AKAIN1: variants seen among roughly 807,000 people sequenced by gnomAD.
AKAIN1 encodes A-kinase anchor inhibitor 1, also known as A-kinase anchor protein inhibitor 1.
Under a neutral mutation model 3.7 loss-of-function variants are expected in AKAIN1, and 3 were observed. That is an observed-to-expected ratio of 0.82 (90% CI 0.37 to 2.12). The LOEUF is 2.12. Among genes scored for constraint, AKAIN1 ranks in the 30% most tolerant of loss-of-function variants. The pLI is 0.06. For missense variants in AKAIN1, 82 were observed against 82.7 expected (o/e 0.99, Z 0.03); for synonymous variants, 31 against 30.8 (o/e 1.01, Z -0.02).
At chr18:5,175,937 T>G (rs2071223794) in intron 1 of AKAIN1, among the ~76,000 whole-genome samples, 2 of 152,154 alleles carry the variant, frequency 1.3e-5, no homozygotes, top group South Asian at 4.1e-4. Flanking sequence ...TATTTTGTCC[T>G]GCTTTTTGAA....
intron 1 of AKAIN1, among the ~76,000 whole-genome samples, chr18:5,188,827 T>C (rs1305132627): frequency 1.3e-5 from 2 of 152,108 alleles, no homozygotes; most frequent in African/African-American, 4.8e-5. Flanking sequence ...AGCTCAGAGC[T>C]GCTCCTCTGA....
At chr18:5,181,862 A>C (rs1423769321) in intron 1 of AKAIN1, among the ~76,000 whole-genome samples, 1 of 152,140 alleles carries the variant, frequency 6.6e-6, no homozygotes, top group African/African-American at 2.4e-5. Context: ...ACAGGATGGT[A>C]ATGTAGGTCC....
chr18:5,171,260 G>C (rs1038574047), intron 1 of AKAIN1, among the ~76,000 whole-genome samples: 3 of 152,046 alleles, frequency 2.0e-5, no homozygotes, highest in Non-Finnish European at 4.4e-5. Context: ...ATTATCAAAA[G>C]AATGATTAGT....
At chr18:5,192,054 C>T (rs889011798) in intron 1 of AKAIN1, among the ~76,000 whole-genome samples, 2 of 152,106 alleles carry the variant, frequency 1.3e-5, no homozygotes, top group Admixed American at 1.3e-4. Flanking sequence ...GGCGTCATGT[C>T]AGTGCTCAAA....
intron 1 of AKAIN1, among the ~76,000 whole-genome samples, chr18:5,164,859 G>A (rs1290636463): frequency 6.6e-6 from 1 of 151,900 alleles, no homozygotes; most frequent in East Asian, 1.9e-4. Context: ...GGTGATGATG[G>A]GTAAGGAAAA....
intron 1 of AKAIN1, among the ~76,000 whole-genome samples, chr18:5,146,935 C>T (rs969677933): frequency 1.3e-5 from 2 of 152,206 alleles, no homozygotes; most frequent in Non-Finnish European, 2.9e-5. Flanking sequence ...AGGCAGTCTA[C>T]CCAGCACTGA....
chr18:5,151,933 T>C (rs754112065), intron 1 of AKAIN1, among the ~76,000 whole-genome samples: 1 of 152,228 alleles, frequency 6.6e-6, no homozygotes, highest in Admixed American at 6.5e-5. Context: ...CTAGGTATTG[T>C]AGACTAAAAT....
In AKAIN1 at chr18:5,168,773, C is replaced by A. The variant is rs561848100; in HGVS notation, c.17-23018G>T. Among the ~76,000 whole-genome samples the A allele has an allele frequency of 1.2e-4, 18 of 151,410 alleles. 1 individual carries two copies. The South Asian group carries it at 3.3e-3, about 28-fold the overall frequency. On this transcript the variant is annotated intron_variant, in intron 1 of 1. Transcript: ENST00000434239. ...AGGGCAGACTCTCATAAACCATTAC[C>A]CAACAGTGGTCATAATATAATAATA...
upstream of AKAIN1, chr18:5,197,322 C>T: frequency 7.6e-7 from 1 of 1,319,210 alleles, no homozygotes; most frequent in Non-Finnish European, 9.7e-7. The surrounding 1 kb of genome is among the most constrained non-coding windows in gnomAD (Gnocchi z 6.9). Context: ...CATTCCTGTG[C>T]CAGCTCGGCG....
chr18:5,172,661 T>G (rs566905592), intron 1 of AKAIN1, among the ~76,000 whole-genome samples: 1 of 138,224 alleles, frequency 7.2e-6, no homozygotes, highest in Non-Finnish European at 1.5e-5. Context: ...AGGAATAAAG[T>G]TCTATATCAG....
At chr18:5,174,523 T>C (rs558723646) in intron 1 of AKAIN1, among the ~76,000 whole-genome samples, 108 of 152,190 alleles carry the variant, frequency 7.1e-4, no homozygotes, top group Admixed American at 2.3e-3. Flanking sequence ...GGCAGATCAC[T>C]TGAGGCCAGG....
chr18:5,170,227 A>C (rs2071189919), intron 1 of AKAIN1, among the ~76,000 whole-genome samples: 1 of 152,186 alleles, frequency 6.6e-6, no homozygotes, highest in African/African-American at 2.4e-5. Flanking sequence ...GGAAAGACTC[A>C]GCCTTTTAGA....
intron 1 of AKAIN1, among the ~76,000 whole-genome samples, chr18:5,184,127 A>G: frequency 6.6e-6 from 1 of 152,126 alleles, no homozygotes; most frequent in East Asian, 1.9e-4. Context: ...AACCTTAGCT[A>G]GGAATGTGTT....
At chr18:5,181,766 G>C (rs2071259901) in intron 1 of AKAIN1, among the ~76,000 whole-genome samples, 1 of 152,058 alleles carries the variant, frequency 6.6e-6, no homozygotes, top group South Asian at 2.1e-4. Context: ...AAGGTTTGTG[G>C]CTTCTTCCTA....
chr18:5,178,415 A>G (rs2071238348), intron 1 of AKAIN1, among the ~76,000 whole-genome samples: 1 of 152,086 alleles, frequency 6.6e-6, no homozygotes, highest in Non-Finnish European at 1.5e-5. Flanking sequence ...GTATCTAAAG[A>G]GTGGCAATCC....
chr18:5,193,005 G>A lies in AKAIN1; in HGVS notation c.16+4033C>T, dbSNP rs542485934. Among the ~76,000 whole-genome samples, 556 of 152,218 alleles carry A rather than the reference G, an allele frequency of 3.7e-3. 2 individuals carry two copies. Among genetic ancestry groups the A allele is most frequent in the African/African-American group, 0.013 (529 of 41,536 alleles). On this transcript the variant is annotated intron_variant, in intron 1 of 1. Coordinates refer to ENST00000434239, the MANE Select transcript of AKAIN1 (RefSeq NM_001145194.2). ...TATGCTAACAGAAAAGAATTTTTTT[G>A]TGTTGGCACATTGTAAACCTCACAG... is the stretch of plus-strand genomic sequence containing the variant.
At chr18:5,197,516 A>AAAAAAAAAAAAT, upstream of AKAIN1, 5 of 1,211,930 alleles carry the variant, frequency 4.1e-6, no homozygotes, top group Non-Finnish European at 5.1e-6. The surrounding 1 kb of genome is among the most constrained non-coding windows in gnomAD (Gnocchi z 6.9). Flanking sequence ...AAAAAAAAAA[A>AAAAAAAAAAAAT]CTCTAAGAGC....
chr18:5,151,947 G>C (rs928773586), intron 1 of AKAIN1, among the ~76,000 whole-genome samples: 1 of 152,158 alleles, frequency 6.6e-6, no homozygotes, highest in Non-Finnish European at 1.5e-5. Context: ...CTAAAATGTT[G>C]AGCAGAACAG....
chr18:5,146,092 T>C (rs746982142), intron 1 of AKAIN1, among the ~76,000 whole-genome samples: 2 of 152,242 alleles, frequency 1.3e-5, no homozygotes, highest in Non-Finnish European at 2.9e-5. Context: ...TTTTAAAAAT[T>C]GTATTATTTT....
Sources: allele counts gnomAD v4.1 joint callset (sites outside exome capture counted in the v4.1 genomes callset), GRCh38; gene constraint gnomAD v4.1.1; non-coding constraint Gnocchi (gnomAD v3.1); transcripts MANE v1.5; gene names NCBI Gene and HGNC (gene_info 2026-07-23, HGNC 2026-07-21).